Variants in ASIC2 observed in about 807,000 individuals in gnomAD.
The protein encoded by ASIC2 is acid-sensing ion channel 2.
ASIC2 carries 25 observed loss-of-function variants against 57.3 expected under a neutral mutation model. That is an observed-to-expected ratio of 0.44 (90% confidence interval 0.32 to 0.61). The LOEUF (loss-of-function observed/expected upper bound fraction) is 0.61. ASIC2 is among the 20% of genes least tolerant of loss of function. ASIC2 has a pLI of 0.06. For synonymous variants in ASIC2, 319 were observed against 307.5 expected (o/e 1.04, Z -0.39); for missense variants, 641 against 738.1 (o/e 0.87, Z 1.52).
intron 1 of ASIC2, among the ~76,000 whole-genome samples, chr17:33,707,845 CA>C (rs1313983782): frequency 6.6e-6 from 1 of 152,164 alleles, no homozygotes; most frequent in Non-Finnish European, 1.5e-5. Context: ...GGCATGGAGC[CA>C]TTTTTTTAAA....
chr17:33,895,020 G>A (rs766819812), intron 1 of ASIC2, among the ~76,000 whole-genome samples: 5 of 152,136 alleles, frequency 3.3e-5, no homozygotes, highest in African/African-American at 9.7e-5. Context: ...AGACTTTGAC[G>A]TTGCGCTGCT....
chr17:33,568,932 A>G (rs1451184351), intron 1 of ASIC2, among the ~76,000 whole-genome samples: 1 of 152,180 alleles, frequency 6.6e-6, no homozygotes, highest in Admixed American at 6.5e-5. Flanking sequence ...GATTTATATC[A>G]CGAAAGGCAG....
chr17:33,117,025 AT>A (rs1288276256), intron 1 of ASIC2, among the ~76,000 whole-genome samples: 1 of 150,844 alleles, frequency 6.6e-6, no homozygotes, highest in Non-Finnish European at 1.5e-5. Flanking sequence ...AATTTTAAAC[AT>A]TTTCTTTGTG....
At chr17:33,177,880 G>A (rs569796984) in intron 1 of ASIC2, among the ~76,000 whole-genome samples, 24 of 152,250 alleles carry the variant, frequency 1.6e-4, no homozygotes, top group Admixed American at 3.3e-4. Flanking sequence ...TGGTCTAGTC[G>A]TCTGGAGACC....
At chr17:33,271,945 T>C (rs1039031876) in intron 1 of ASIC2, among the ~76,000 whole-genome samples, 1 of 152,222 alleles carries the variant, frequency 6.6e-6, no homozygotes, top group Non-Finnish European at 1.5e-5. Context: ...CTCATACCAC[T>C]GTCTTCCTCT....
At chr17:33,180,989 C>T (rs1014517417) in intron 1 of ASIC2, among the ~76,000 whole-genome samples, 1 of 152,124 alleles carries the variant, frequency 6.6e-6, no homozygotes, top group Non-Finnish European at 1.5e-5. Flanking sequence ...TTCAGAGAAC[C>T]TTTGGGGAGT....
At chr17:33,509,714 T>G (rs370843982) in intron 1 of ASIC2, among the ~76,000 whole-genome samples, 6 of 152,148 alleles carry the variant, frequency 3.9e-5, no homozygotes, top group African/African-American at 9.7e-5. Flanking sequence ...GGATGAAAAT[T>G]TGGATTGTTG....
At chr17:33,623,243 TTTG>T (rs1274644919) in intron 1 of ASIC2, among the ~76,000 whole-genome samples, 12 of 13,216 alleles carry the variant, frequency 9.1e-4, no homozygotes, top group Non-Finnish European at 1.4e-3. Flanking sequence ...ATCGTTTTTT[TTTG>T]TTTGTTTGTT....
intron 1 of ASIC2, among the ~76,000 whole-genome samples, chr17:33,741,814 T>C (rs1910121196): frequency 6.6e-6 from 1 of 152,174 alleles, no homozygotes; most frequent in South Asian, 2.1e-4. Context: ...GACATTCAGA[T>C]AGCCCCTGAG....
intron 1 of ASIC2, among the ~76,000 whole-genome samples, chr17:33,743,252 T>C (rs535478841): frequency 1.3e-5 from 2 of 152,370 alleles, no homozygotes; most frequent in South Asian, 2.1e-4. Context: ...GAAACATTCA[T>C]AAAAATCTAC....
intron 1 of ASIC2, among the ~76,000 whole-genome samples, chr17:33,180,970 C>T (rs1905958038): frequency 1.3e-5 from 2 of 152,176 alleles, no homozygotes; most frequent in African/African-American, 4.8e-5. Context: ...TGATCATCTC[C>T]TTCGGCAATT....
intron 1 of ASIC2, among the ~76,000 whole-genome samples, chr17:33,619,096 G>A (rs936916488): frequency 6.6e-6 from 1 of 152,140 alleles, no homozygotes; most frequent in Admixed American, 6.5e-5. Context: ...AAAGAAAAAA[G>A]TATTAGAACA....
intron 1 of ASIC2, among the ~76,000 whole-genome samples, chr17:33,282,826 T>C (rs894731832): frequency 3.3e-5 from 5 of 152,172 alleles, no homozygotes; most frequent in African/African-American, 1.2e-4. Context: ...ACTCTGATTC[T>C]CCCACCTCCT....
At chr17:33,390,209 A>G (rs1364234627) in intron 1 of ASIC2, among the ~76,000 whole-genome samples, 1 of 151,970 alleles carries the variant, frequency 6.6e-6, no homozygotes, top group Non-Finnish European at 1.5e-5. Context: ...GCTACTCAGG[A>G]GGGTGAGGCA....
At chr17:34,012,954 C>T (rs1347746191) in intron 1 of ASIC2, among the ~76,000 whole-genome samples, 1 of 152,152 alleles carries the variant, frequency 6.6e-6, no homozygotes, top group African/African-American at 2.4e-5. Context: ...CAATGTCCCC[C>T]ACTTCCCCAC....
intron 1 of ASIC2, among the ~76,000 whole-genome samples, chr17:33,544,267 C>T (rs772242396): frequency 4.6e-5 from 7 of 152,164 alleles, no homozygotes; most frequent in Non-Finnish European, 1.0e-4. Flanking sequence ...AGGTATACCC[C>T]ACTTTGTTCG....
chr17:33,418,376 A>T (rs750695386), intron 1 of ASIC2, among the ~76,000 whole-genome samples: 2 of 152,164 alleles, frequency 1.3e-5, no homozygotes, highest in Non-Finnish European at 2.9e-5. Context: ...TTAAAAAAAA[A>T]ATCCCATTTG....
intron 1 of ASIC2, among the ~76,000 whole-genome samples, chr17:33,588,249 G>A (rs1904704902): frequency 6.6e-6 from 1 of 152,182 alleles, no homozygotes; most frequent in African/African-American, 2.4e-5. Flanking sequence ...AGAGGAGCAG[G>A]GAGAATGTTA....
chr17:33,122,695 T>C (rs2092307596), intron 1 of ASIC2, among the ~76,000 whole-genome samples: 1 of 152,138 alleles, frequency 6.6e-6, no homozygotes, highest in African/African-American at 2.4e-5. Context: ...AATCCCCTCT[T>C]TTAGCAAGTT....
Sources: allele counts gnomAD v4.1 joint callset (sites outside exome capture counted in the v4.1 genomes callset), GRCh38; gene constraint gnomAD v4.1.1; transcripts MANE v1.5; gene names NCBI Gene and HGNC (gene_info 2026-07-23, HGNC 2026-07-21).